PRKCB: variants seen among roughly 807,000 people sequenced by gnomAD.
The protein encoded by PRKCB is protein kinase C beta, also known as protein kinase C beta type.
A neutral mutation model predicts 81.5 loss-of-function variants in PRKCB; 13 were observed. The ratio of observed to expected loss-of-function variants is 0.16; its 90% CI spans 0.10 to 0.25. The LOEUF is 0.25. Among genes scored for constraint, PRKCB ranks in the 10% least tolerant of loss-of-function variants. The pLI, the probability that PRKCB is intolerant of heterozygous loss-of-function variation, is 1.00. For missense variants in PRKCB, 509 were observed against 875.7 expected, an observed-to-expected ratio of 0.58 and a Z score of 5.29; for synonymous variants, 335 against 321.4, an observed-to-expected ratio of 1.04 and a Z score of -0.45.
At chr16:24,031,807 T>G (rs1420868398) in intron 3 of PRKCB, among the ~76,000 whole-genome samples, 1 of 152,186 alleles carries the variant, frequency 6.6e-6, no homozygotes, top group Non-Finnish European at 1.5e-5. Context: ...TGTCTGTTAC[T>G]TTGTTTTCCC....
chr16:23,939,783 C>T (rs1964114168), intron 2 of PRKCB, among the ~76,000 whole-genome samples: 1 of 152,118 alleles, frequency 6.6e-6, no homozygotes, highest in South Asian at 2.1e-4. Flanking sequence ...TTTTTGGAAT[C>T]TAGGGTCAGG....
chr16:23,958,056 A>G (rs1304375507), intron 2 of PRKCB, among the ~76,000 whole-genome samples: 2 of 152,234 alleles, frequency 1.3e-5, no homozygotes, highest in African/African-American at 4.8e-5. Context: ...CAGTGGCACA[A>G]TCTTGGCTCA....
intron 3 of PRKCB, among the ~76,000 whole-genome samples, chr16:24,013,856 A>G (rs1440055751): frequency 6.6e-6 from 1 of 151,358 alleles, no homozygotes; most frequent in Non-Finnish European, 1.5e-5. Context: ...GCCCTTGTCT[A>G]TGCGGGCCTG....
chr16:24,021,074 T>TC (rs761915069), intron 3 of PRKCB, among the ~76,000 whole-genome samples: 16,301 of 57,744 alleles, frequency 0.28, 2,081 homozygotes, highest in African/African-American at 0.36. Flanking sequence ...CTCCCTCCCT[T>TC]CTTTCTTTCT....
At chr16:24,065,825 A>G (rs548803217) in intron 5 of PRKCB, among the ~76,000 whole-genome samples, 1 of 152,340 alleles carries the variant, frequency 6.6e-6, no homozygotes, top group South Asian at 2.1e-4. Context: ...TCTGGGCAAC[A>G]TCGTGAGATC....
chr16:24,080,735 A>G (rs1432286664), intron 5 of PRKCB, among the ~76,000 whole-genome samples: 1 of 152,238 alleles, frequency 6.6e-6, no homozygotes, highest in Non-Finnish European at 1.5e-5. Context: ...CGAATAATCC[A>G]TGGTTTAGTT....
rs1427466349 is a variant in PRKCB at position 23,836,119 on chromosome 16, C to T, written c.-57C>T. ...TCCCGCGCCTCCCCGGCCCGCAGCC[C>T]GCGGTCCCGCGGCCCCGGGGCCGGC... On this transcript the variant is annotated 5_prime_UTR_variant, in exon 1 of 17. Coordinates refer to ENST00000643927, the MANE Select transcript of PRKCB (RefSeq NM_002738.7). The T allele has an allele frequency of 2.6e-6, 3 of 1,167,876 alleles. No individual in the cohort carries two copies. Among genetic ancestry groups the T allele is most frequent in the East Asian group, 9.0e-5 (2 of 22,156 alleles). The allele number at this position is 1,167,876 out of a possible 1,614,324, so 72.3% of individuals were successfully genotyped here. A position where few individuals can be genotyped will look rare whatever the true frequency, so the allele number is the denominator to read the frequency against.
chr16:23,840,407 T>C (rs1471747683), intron 2 of PRKCB, among the ~76,000 whole-genome samples: 1 of 152,124 alleles, frequency 6.6e-6, no homozygotes, highest in African/African-American at 2.4e-5. Context: ...CACACCCTTC[T>C]TTCAGCTAGC....
chr16:24,203,025 C>T (rs1286501614), intron 16 of PRKCB: 1 of 152,016 alleles, frequency 6.6e-6, no homozygotes, highest in Non-Finnish European at 1.5e-5. Context: ...GAGTTTGAGA[C>T]CAGCTTGGGG....
intron 8 of PRKCB, among the ~76,000 whole-genome samples, chr16:24,118,990 T>A (rs1377456130): frequency 6.6e-6 from 1 of 152,014 alleles, no homozygotes; most frequent in Non-Finnish European, 1.5e-5. Context: ...CATCACCCAG[T>A]GTTAGCAGAT....
chr16:24,014,365 C>G (rs145609356), intron 3 of PRKCB, among the ~76,000 whole-genome samples: 106 of 152,166 alleles, frequency 7.0e-4, no homozygotes, highest in African/African-American at 2.5e-3. Flanking sequence ...TGACTATTCC[C>G]TGAAACTACT....
At chr16:23,884,563 T>C (rs9944348) in intron 2 of PRKCB, among the ~76,000 whole-genome samples, 147,163 of 152,248 alleles carry the variant, frequency 0.97, 71,158 homozygotes, top group East Asian at 1. Context: ...GAGTCAGGGT[T>C]TCACTCTGTC....
rs1236545548 is a variant in PRKCB at position 24,120,287 on chromosome 16, T to C, written c.919-3548T>C. ...TTTGGGTTACATGGGTGTGCACATT[T>C]GTCAAAATCTACAGAACTGTGCACG... is the stretch of plus-strand genomic sequence containing the variant. On this transcript the variant is annotated intron_variant, in intron 8 of 16. Coordinates refer to ENST00000643927, the MANE Select transcript of PRKCB (RefSeq NM_002738.7). Among the ~76,000 whole-genome samples the C allele has an allele frequency of 3.9e-5, 6 of 152,308 alleles. No homozygotes were observed. In the East Asian group the frequency reaches 9.6e-4, roughly 24 times the overall value.
intron 13 of PRKCB, among the ~76,000 whole-genome samples, chr16:24,183,387 T>C (rs149552234): frequency 6.6e-6 from 1 of 152,304 alleles, no homozygotes; most frequent in African/African-American, 2.4e-5. Flanking sequence ...AAGAATACAA[T>C]AGATTGTTAT....
At chr16:23,881,617 A>G (rs1963108698) in intron 2 of PRKCB, among the ~76,000 whole-genome samples, 1 of 152,202 alleles carries the variant, frequency 6.6e-6, no homozygotes, top group South Asian at 2.1e-4. Context: ...TTTCCATTCT[A>G]TTCCTTGGGA....
At chr16:23,919,503 G>A (rs1169998869) in intron 2 of PRKCB, among the ~76,000 whole-genome samples, 1 of 151,972 alleles carries the variant, frequency 6.6e-6, no homozygotes, top group Non-Finnish European at 1.5e-5. Flanking sequence ...TTTTGAAATG[G>A]ATCATATTTT....
At chr16:23,906,605 G>A (rs371981195) in intron 2 of PRKCB, among the ~76,000 whole-genome samples, 3 of 152,088 alleles carry the variant, frequency 2.0e-5, no homozygotes, top group African/African-American at 7.2e-5. Flanking sequence ...AGATTATAGA[G>A]GAATTCTCCC....
rs116410820 is a variant in PRKCB, at chr16:24,164,013, C to T, written c.1240-8257C>T. ...TCAGCTTCCAGACGGGATGAATCCACAGACCAGCTTGGAAAATCATTAAAG... is the reference window on the plus strand; with the variant it reads ...TCAGCTTCCAGACGGGATGAATCCATAGACCAGCTTGGAAAATCATTAAAG... On this transcript the variant is annotated intron_variant, in intron 10 of 16. Transcript: ENST00000643927. Among the ~76,000 whole-genome samples the T allele has an allele frequency of 6.7e-3, 1,022 of 152,346 alleles. 12 individuals are homozygous for T. The highest frequency in any genetic ancestry group is 0.023 in the African/African-American group (941 of 41,582).
Position 24,219,738 on chromosome 16 carries a change from C to T in PRKCB, c.*4922C>T. ...GCAATTCTTAACTGACATTCAATGA[C>T]TTACTTCTTTTCTTAGAAAATTTCC... On this transcript the variant is annotated 3_prime_UTR_variant, in exon 17 of 17. Coordinates refer to ENST00000643927, the MANE Select transcript of PRKCB (RefSeq NM_002738.7). 5.1e-6 allele frequency: 7 copies of T among 1,361,228 alleles called. 1 individual carries two copies. The South Asian group carries it at 1.0e-4, about 20-fold the overall frequency. The allele number at this position is 1,361,228 out of a possible 1,614,324, so 84.3% of individuals were successfully genotyped here.
Sources: allele counts gnomAD v4.1 joint callset (sites outside exome capture counted in the v4.1 genomes callset), GRCh38; gene constraint gnomAD v4.1.1; transcripts MANE v1.5; gene names NCBI Gene and HGNC (gene_info 2026-07-23, HGNC 2026-07-21).